The following RGS7BP variants were observed in gnomAD, a reference collection of about 807,000 sequenced individuals.
RGS7BP encodes the protein regulator of G protein signaling 7 binding protein, also known as regulator of G protein signaling 7-binding protein.
Under a neutral mutation model 31.3 loss-of-function variants are expected in RGS7BP, and 9 were observed. The ratio of observed to expected loss-of-function variants is 0.29; its 90% CI spans 0.17 to 0.50. The LOEUF (loss-of-function observed/expected upper bound fraction) is 0.50, where lower values mean the gene tolerates loss of function less well. RGS7BP is among the 20% of genes least tolerant of loss of function. The pLI is 0.98. For missense variants in RGS7BP, 274 were observed against 322.0 expected, an observed-to-expected ratio of 0.85 and a Z score of 1.14; for synonymous variants, 115 against 120.1, an observed-to-expected ratio of 0.96 and a Z score of 0.28.
chr5:64,532,630 G>C (rs1026248068), intron 2 of RGS7BP, among the ~76,000 whole-genome samples: 1 of 152,126 alleles, frequency 6.6e-6, no homozygotes, highest in South Asian at 2.1e-4. Flanking sequence ...AAAAGCATCA[G>C]CTGCTAAAAA....
chr5:64,564,610 G>A (rs749957848), intron 2 of RGS7BP, among the ~76,000 whole-genome samples: 9 of 152,194 alleles, frequency 5.9e-5, no homozygotes, highest in African/African-American at 1.9e-4. Flanking sequence ...CAAAGAAAGC[G>A]TTTTTATTGA....
At chr5:64,595,831 T>C (rs1430198158) in intron 4 of RGS7BP, among the ~76,000 whole-genome samples, 2 of 152,320 alleles carry the variant, frequency 1.3e-5, no homozygotes, top group Admixed American at 1.3e-4. Context: ...TACTTTCAGA[T>C]TGTGATATAA....
rs1208928894 is a variant in RGS7BP, at chr5:64,611,800, C to T, written c.*2548C>T. The T allele has an allele frequency of 6.6e-6, 1 of 152,138 alleles. No individual in the cohort carries two copies. The highest frequency in any genetic ancestry group is 1.5e-5 in the Non-Finnish European group (1 of 67,902). 9.4% of individuals were successfully genotyped at this position (152,138 alleles called of 1,614,324 possible). On this transcript the variant is annotated 3_prime_UTR_variant, in exon 6 of 6. Coordinates refer to ENST00000334025, the MANE Select transcript of RGS7BP (RefSeq NM_001029875.3). ...TTACAGTAGGTAATTCACCGTCTCA[C>T]ATTAGACAGGCCAATGCATCCCTTA...
chr5:64,580,671 C>T (rs1471013001), intron 3 of RGS7BP, among the ~76,000 whole-genome samples: 1 of 151,954 alleles, frequency 6.6e-6, no homozygotes, highest in African/African-American at 2.4e-5. Flanking sequence ...GGAAAGAAGT[C>T]TGTTTACTGA....
chr5:64,571,061 C>T (rs1213257010), intron 2 of RGS7BP, among the ~76,000 whole-genome samples: 1 of 152,044 alleles, frequency 6.6e-6, no homozygotes, highest in Non-Finnish European at 1.5e-5. Flanking sequence ...TAGAATATCA[C>T]CCTCACCCCA....
At chr5:64,575,670 T>C in intron 2 of RGS7BP, 104 bp from the exon 3 acceptor site, 2 of 1,464,150 alleles carry the variant, frequency 1.4e-6, no homozygotes, top group Non-Finnish European at 1.8e-6. Context: ...ATCAAGGCTT[T>C]AAGGAATCTT....
At chr5:64,593,650 A>T (rs1376063466) in intron 3 of RGS7BP, among the ~76,000 whole-genome samples, 1 of 152,150 alleles carries the variant, frequency 6.6e-6, no homozygotes, top group African/African-American at 2.4e-5. Flanking sequence ...TTATTTGTAT[A>T]ATGTTTTTAT....
chr5:64,584,126 A>T (rs1323980560), intron 3 of RGS7BP, among the ~76,000 whole-genome samples: 2 of 152,226 alleles, frequency 1.3e-5, no homozygotes, highest in African/African-American at 4.8e-5. Flanking sequence ...GGAGAAGGGC[A>T]GGAGGGCATA....
At chr5:64,583,104 T>G (rs1742646511) in intron 3 of RGS7BP, among the ~76,000 whole-genome samples, 1 of 152,168 alleles carries the variant, frequency 6.6e-6, no homozygotes, top group African/African-American at 2.4e-5. Flanking sequence ...ACTGAAGAGG[T>G]AGGCCAGGCG....
intron 2 of RGS7BP, among the ~76,000 whole-genome samples, chr5:64,525,399 A>G (rs1344101612): frequency 6.6e-6 from 1 of 152,198 alleles, no homozygotes; most frequent in Non-Finnish European, 1.5e-5. Flanking sequence ...TTAGACTTCA[A>G]CTTTAGAGCT....
chr5:64,542,748 G>A (rs962168130), intron 2 of RGS7BP, among the ~76,000 whole-genome samples: 22 of 152,180 alleles, frequency 1.4e-4, no homozygotes, highest in Admixed American at 4.6e-4. Flanking sequence ...CCAATGAATT[G>A]AATAATCTGA....
At chr5:64,598,319 T>C (rs762220457) in intron 4 of RGS7BP, 46 bp from the exon 5 acceptor site, 13 of 1,135,550 alleles carry the variant, frequency 1.1e-5, no homozygotes, top group Admixed American at 3.4e-5. Context: ...AGATTTCATT[T>C]TGAAAATTTA....
In RGS7BP at chr5:64,557,338, C is replaced by T. The variant is rs1741951670; in HGVS notation, c.333-18436C>T. On this transcript the variant is annotated intron_variant, in intron 2 of 5. Transcript: ENST00000334025. Reference sequence around the variant, plus strand: ...TTCTGTCATATTGTCAGCCAGTTTTCCTGGTATTACTCTTTCATTTTCTGC... The same window carrying T: ...TTCTGTCATATTGTCAGCCAGTTTTTCTGGTATTACTCTTTCATTTTCTGC... 2.0e-5 allele frequency among the ~76,000 whole-genome samples: 3 copies of T among 152,098 alleles called. 1 individual carries two copies. The South Asian group carries it at 6.2e-4, about 32-fold the overall frequency.
At chr5:64,575,671 A>G in intron 2 of RGS7BP, 103 bp from the exon 3 acceptor site, 6 of 1,464,694 alleles carry the variant, frequency 4.1e-6, no homozygotes, top group Non-Finnish European at 4.5e-6. Flanking sequence ...TCAAGGCTTT[A>G]AGGAATCTTT....
Position 64,535,841 on chromosome 5 carries a change from C to A in RGS7BP, c.332+27964C>A, listed in dbSNP as rs1392902246. 2.0e-5 allele frequency among the ~76,000 whole-genome samples: 3 copies of A among 152,276 alleles called. No homozygotes were observed. The East Asian group carries it at 5.8e-4, about 29-fold the overall frequency. On this transcript the variant is annotated intron_variant, in intron 2 of 5. Transcript: ENST00000334025. ...TGGCCAGTTATTGTCAAAGGAGCAG[C>A]TTAATATCAGCTTTGAAAAAGGTAA...
intron 4 of RGS7BP, 33 bp downstream of exon 4, chr5:64,594,890 A>T: frequency 1.2e-6 from 2 of 1,608,282 alleles, no homozygotes; most frequent in Non-Finnish European, 1.7e-6. Flanking sequence ...TAGACTGCCA[A>T]TCCTCCTCCC....
chr5:64,529,369 T>C (rs1165624205), intron 2 of RGS7BP, among the ~76,000 whole-genome samples: 2 of 152,198 alleles, frequency 1.3e-5, no homozygotes, highest in Non-Finnish European at 2.9e-5. Context: ...CCTCATATAA[T>C]GACTGTATCT....
chr5:64,538,909 G>T (rs560544328), intron 2 of RGS7BP, among the ~76,000 whole-genome samples: 1 of 152,158 alleles, frequency 6.6e-6, no homozygotes, highest in South Asian at 2.1e-4. Context: ...GATTCTACTT[G>T]AGATTCATCC....
chr5:64,538,552 T>TA, intron 2 of RGS7BP, among the ~76,000 whole-genome samples: 1 of 112,908 alleles, frequency 8.9e-6, no homozygotes, highest in East Asian at 2.7e-4. Flanking sequence ...TTTTCTTTTT[T>TA]TTTTTTTTTT....
Sources: gnomAD v4.1 joint callset for allele counts (sites outside exome capture counted in the v4.1 genomes callset) on GRCh38, gnomAD v4.1.1 for gene constraint, MANE v1.5 for transcripts, NCBI Gene and HGNC (gene_info 2026-07-23, HGNC 2026-07-21) for gene names.